Variants in NOTCH1 observed in about 807,000 individuals in gnomAD.
NOTCH1 encodes the protein notch receptor 1.
NOTCH1 carries 37 observed loss-of-function variants against 254.8 expected under a neutral mutation model. The observed-to-expected ratio is 0.15, with a 90% CI of 0.11 to 0.19. The LOEUF is 0.19. Ranked by LOEUF, NOTCH1 falls within the 10% of genes least tolerant of loss-of-function variation. The pLI is 1.00. For missense variants in NOTCH1, 2,972 were observed against 3,708.6 expected, an observed-to-expected ratio of 0.80 and a Z score of 5.16; for synonymous variants, 1,731 against 1,618.1, an observed-to-expected ratio of 1.07 and a Z score of -1.68.
chr9:136,503,354 C>A, intron 26 of NOTCH1, 24 bp from the exon 27 acceptor site: 1 of 1,612,244 alleles, frequency 6.2e-7, no homozygotes, highest in Non-Finnish European at 8.5e-7. Flanking sequence ...CAGAGAGGGG[C>A]TGGGACCCGA....
At position 136,545,703 on chromosome 9, in the gene NOTCH1, C is replaced by T. The variant is rs1482556778; in HGVS notation, c.61+23G>A. ...TTCCAAAGGGCGCGGAAAGTGGGGG[C>T]TCGCGGGTGGGTGGGCGCCTACCTC... On this transcript the variant is annotated intron_variant, in intron 1 of 33. Transcript: ENST00000651671. This position sits in a 1 kb window ranked among gnomAD's most constrained non-coding sequence, Gnocchi z 6.8. 14 of 1,441,200 alleles carry T rather than the reference C, an allele frequency of 9.7e-6. No homozygotes were observed. Among genetic ancestry groups the T allele is most frequent in the Non-Finnish European group, 1.1e-5 (12 of 1,102,274 alleles). 89.3% of individuals were successfully genotyped at this position (1,441,200 alleles called of 1,614,324 possible).
intron 2 of NOTCH1, among the ~76,000 whole-genome samples, chr9:136,531,536 C>A (rs1484626167): frequency 6.6e-6 from 1 of 152,230 alleles, no homozygotes; most frequent in African/African-American, 2.4e-5. Flanking sequence ...AGCATTCTTA[C>A]AGCTCCACCG....
intron 26 of NOTCH1, among the ~76,000 whole-genome samples, chr9:136,503,878 T>TCAGG (rs1384193728): frequency 2.4e-4 from 37 of 152,260 alleles, no homozygotes; most frequent in Non-Finnish European, 5.1e-4. Flanking sequence ...CCCACCAGGG[T>TCAGG]CAGGCACACG....
At position 136,545,700 on chromosome 9, in the gene NOTCH1, G is replaced by A. The variant is rs369227949; in HGVS notation, c.61+26C>T. The A allele has an allele frequency of 1.7e-5, 24 of 1,442,708 alleles. 1 individual carries two copies. The South Asian group carries it at 1.7e-4, about 10-fold the overall frequency. 89.4% of individuals were successfully genotyped at this position (1,442,708 alleles called of 1,614,324 possible). Reference sequence around the variant, plus strand: ...AGTTTCCAAAGGGCGCGGAAAGTGGGGGCTCGCGGGTGGGTGGGCGCCTAC... The same window carrying A: ...AGTTTCCAAAGGGCGCGGAAAGTGGAGGCTCGCGGGTGGGTGGGCGCCTAC... On this transcript the variant is annotated intron_variant, in intron 1 of 33. Transcript: ENST00000651671. This position sits in a 1 kb window ranked among gnomAD's most constrained non-coding sequence, Gnocchi z 6.8.
At chr9:136,542,503 T>A (rs1371432824) in intron 2 of NOTCH1, among the ~76,000 whole-genome samples, 1 of 137,862 alleles carries the variant, frequency 7.3e-6, no homozygotes, top group Admixed American at 8.0e-5. Context: ...GCATCAAGCG[T>A]CCGTGCGGCT....
intron 2 of NOTCH1, among the ~76,000 whole-genome samples, chr9:136,542,469 G>C (rs1341704512): frequency 7.0e-6 from 1 of 143,332 alleles, no homozygotes; most frequent in East Asian, 2.2e-4. Flanking sequence ...GTCGGTCTCT[G>C]AATGAAAGGA....
chr9:136,511,337 G>C, intron 15 of NOTCH1, 66 bp from the exon 16 acceptor site: 1 of 1,536,874 alleles, frequency 6.5e-7, no homozygotes, highest in Non-Finnish European at 8.8e-7. Context: ...ATCGGCCACC[G>C]CCTGCTGGTC....
rs1189026962 is a variant in NOTCH1 at position 136,508,921 on chromosome 9, G to A, written c.3120C>T (p.Cys1040=). The A allele has an allele frequency of 1.6e-5, 25 of 1,549,122 alleles. No homozygotes were observed. Among genetic ancestry groups the A allele is most frequent in the East Asian group, 2.4e-5 (1 of 40,982 alleles). ...CLHGGTCQDG[C]GSYRCTCPQG... ...GGGGGCAGGTGCACCTGTAGGAGCC[G>A]CAGCCGTCCTGACAGGTGCCGCCAT... The change falls in exon 19 of 34, where the codon TGC becomes TGT. Residue 1040 remains cysteine, a synonymous_variant. Transcript: ENST00000651671.
chr9:136,510,930 C>T, intron 16 of NOTCH1, 125 bp from the exon 17 acceptor site: 2 of 1,420,366 alleles, frequency 1.4e-6, no homozygotes, highest in South Asian at 1.2e-5. Flanking sequence ...ACCCCAGGAC[C>T]ATCCCCTCTC....
chr9:136,541,247 C>T (rs1364667656), intron 2 of NOTCH1, among the ~76,000 whole-genome samples: 3 of 152,206 alleles, frequency 2.0e-5, no homozygotes, highest in African/African-American at 7.2e-5. Context: ...CCTGGGAAGG[C>T]ATTTTGCACC....
At chr9:136,532,812 T>C (rs1371124944) in intron 2 of NOTCH1, among the ~76,000 whole-genome samples, 1 of 152,138 alleles carries the variant, frequency 6.6e-6, no homozygotes, top group Admixed American at 6.5e-5. Context: ...CCGTGGCCTG[T>C]GTTGTTGACC....
rs181849419 is a variant in NOTCH1 at position 136,516,204 on chromosome 9, C to T, written c.1556-110G>A. The T allele has an allele frequency of 4.9e-5, 39 of 790,030 alleles. 1 individual carries two copies. The South Asian group carries it at 5.5e-4, about 11-fold the overall frequency. 48.9% of individuals were successfully genotyped at this position (790,030 alleles called of 1,614,324 possible). A position where few individuals can be genotyped will look rare whatever the true frequency, so the allele number is the denominator to read the frequency against. On this transcript the variant is annotated intron_variant, in intron 9 of 33. Coordinates refer to ENST00000651671, the MANE Select transcript of NOTCH1 (RefSeq NM_017617.5). ...GCGCCTGGCTGGGCTCCCCAGGGCACACTCAGCCTGAGCTCAGCCAGCTCC... is the reference window on the plus strand; with the variant it reads ...GCGCCTGGCTGGGCTCCCCAGGGCATACTCAGCCTGAGCTCAGCCAGCTCC...
chr9:136,506,866 A>C lies in NOTCH1; in HGVS notation c.3751T>G (p.Tyr1251Asp), dbSNP rs747181912. 2 of 1,611,764 alleles carry C rather than the reference A, an allele frequency of 1.2e-6. No individual in the cohort carries two copies. Among genetic ancestry groups the C allele is most frequent in the Non-Finnish European group, 1.7e-6 (2 of 1,179,508 alleles). ...NGTCVDQVGG[Y>D]SCTCPPGFVG... is the part of the protein sequence containing the mutation. ...AAGCCCGGCGGGCAGGTGCAGCTGT[A>C]GCCGCCCACCTGGTCCACGCAGGTG... The change falls in exon 23 of 34, where the codon TAC becomes GAC. Residue 1251 changes from tyrosine to aspartate, a missense_variant. Coordinates refer to ENST00000651671, the MANE Select transcript of NOTCH1 (RefSeq NM_017617.5). The surrounding 1 kb of genome is among the most constrained non-coding windows in gnomAD (Gnocchi z 4.5).
rs746280413 is a variant in NOTCH1 at position 136,496,384 on chromosome 9, G to A, written c.7355C>T (p.Ala2452Val). Residue 2452 changes from alanine to valine, a missense_variant, in exon 34 of 34, where the codon GCG (alanine) becomes GTG (valine). Physicochemically the swap from Ala to Val is moderately conservative, Grantham distance 64 (BLOSUM62 0). Around this residue, in one of 8 missense-constraint regions of NOTCH1, gnomAD observed 529 missense variants for 529.2 expected, o/e 1.00. Coordinates refer to ENST00000651671, the MANE Select transcript of NOTCH1 (RefSeq NM_017617.5). ...DVQPLGPSSLAVHTILPQESP... is the reference protein window; with the variant it reads ...DVQPLGPSSLVVHTILPQESP... Reference sequence around the variant, plus strand: ...CTCCTGGGGCAGAATAGTGTGCACCGCCAGGCTGCTGGGGCCCAGTGGCTG... The same window carrying A: ...CTCCTGGGGCAGAATAGTGTGCACCACCAGGCTGCTGGGGCCCAGTGGCTG... 10 of 1,596,616 alleles carry A rather than the reference G, an allele frequency of 6.3e-6. No homozygotes were observed. The highest frequency in any genetic ancestry group is 5.3e-5 in the African/African-American group (4 of 74,904).
intron 2 of NOTCH1, among the ~76,000 whole-genome samples, chr9:136,538,871 A>C (rs1843692501): frequency 6.6e-6 from 1 of 152,230 alleles, no homozygotes; most frequent in Non-Finnish European, 1.5e-5. Context: ...CTAGACGCCC[A>C]ATCGATTCTG....
chr9:136,528,151 GACTC>G (rs894928618), intron 2 of NOTCH1, among the ~76,000 whole-genome samples: 1 of 151,072 alleles, frequency 6.6e-6, no homozygotes, highest in African/African-American at 2.4e-5. Context: ...GTGCGGGTAG[GACTC>G]ACTCACTTCC....
At chr9:136,529,004 GGGGAGTCTA>G (rs2133386581) in intron 2 of NOTCH1, among the ~76,000 whole-genome samples, 1 of 152,250 alleles carries the variant, frequency 6.6e-6, no homozygotes, top group South Asian at 2.1e-4. Flanking sequence ...TCTGCCCAGA[GGGGAGTCTA>G]GGGCTCCCAC....
Position 136,496,536 on chromosome 9 carries a change from G to A in NOTCH1, c.7203C>T (p.Asn2401=), listed in dbSNP as rs756434740. Residue 2401 remains asparagine, a synonymous_variant, in exon 34 of 34, where the codon AAC becomes AAT. Coordinates refer to ENST00000651671, the MANE Select transcript of NOTCH1 (RefSeq NM_017617.5). The stretch of plus-strand genomic sequence containing the variant: ...GCTGCAGGCTTTGCTGCTGCTGGAT[G>A]TTTGCTGGCTGCAGGTTCTGCTGCT... ...QMQQQNLQPA[N]IQQQQSLQPP... is the part of the protein sequence containing the mutation. 2.2e-5 allele frequency: 35 copies of A among 1,607,622 alleles called. No homozygotes were observed. Among genetic ancestry groups the A allele is most frequent in the Non-Finnish European group, 2.7e-5 (32 of 1,179,960 alleles).
At chr9:136,535,355 T>C (rs1448884768) in intron 2 of NOTCH1, among the ~76,000 whole-genome samples, 1 of 151,876 alleles carries the variant, frequency 6.6e-6, no homozygotes, top group African/African-American at 2.4e-5. Context: ...ATCTGGAGTG[T>C]AGACGGCAGG....
Sources: gnomAD v4.1 joint callset for allele counts (sites outside exome capture counted in the v4.1 genomes callset) on GRCh38, gnomAD v4.1.1 for gene constraint, gnomAD v4.1.1 regional missense constraint, Gnocchi (gnomAD v3.1) non-coding constraint, MANE v1.5 for transcripts, NCBI Gene and HGNC (gene_info 2026-07-23, HGNC 2026-07-21) for gene names.